PCDH15: variants seen among roughly 807,000 people sequenced by gnomAD.
PCDH15 encodes protocadherin related 15, also known as protocadherin-15.
PCDH15 carries 129 observed loss-of-function variants against 178.5 expected under a neutral mutation model. The ratio of observed to expected loss-of-function variants is 0.72; its 90% CI spans 0.63 to 0.84. The LOEUF is 0.84. Among genes scored for constraint, PCDH15 ranks in the 40% least tolerant of loss-of-function variants. The pLI is 0.00. For missense variants in PCDH15, 2,230 were observed against 2,099.9 expected, an observed-to-expected ratio of 1.06 and a Z score of -1.21; for synonymous variants, 800 against 732.0, an observed-to-expected ratio of 1.09 and a Z score of -1.50.
chr10:54,908,903 T>G (rs1954772050), intron 2 of PCDH15, among the ~76,000 whole-genome samples: 2 of 152,118 alleles, frequency 1.3e-5, no homozygotes. Flanking sequence ...TCCCGATGAA[T>G]GCTCAGCTCT....
In PCDH15 at chr10:55,085,629, C is replaced by T. The variant is rs189245823; in HGVS notation, c.-80+80947G>A. The stretch of plus-strand genomic sequence containing the variant: ...ATAAATATATACATCTACTACATAC[C>T]CATATAAATTAAACAAAAAAATTAT... On this transcript the variant is annotated intron_variant, in intron 2 of 5. Transcript: ENST00000458638. Among the ~76,000 whole-genome samples the T allele has an allele frequency of 2.8e-4, 42 of 151,396 alleles. No homozygotes were observed. In the East Asian group the frequency reaches 7.4e-3, roughly 27 times the overall value.
intron 2 of PCDH15, among the ~76,000 whole-genome samples, chr10:55,476,198 T>C (rs1018485263): frequency 6.6e-6 from 1 of 151,962 alleles, no homozygotes; most frequent in African/African-American, 2.4e-5. Context: ...GTGTGACTTA[T>C]GTTTCTAAGA....
chr10:55,502,741 T>C (rs957657214), intron 2 of PCDH15, among the ~76,000 whole-genome samples: 5 of 151,664 alleles, frequency 3.3e-5, no homozygotes, highest in African/African-American at 1.2e-4. Flanking sequence ...CTCAATTTTC[T>C]TATCCTTAAT....
intron 1 of PCDH15, among the ~76,000 whole-genome samples, chr10:55,167,855 A>G (rs1431345789): frequency 2.0e-5 from 3 of 152,204 alleles, no homozygotes; most frequent in Non-Finnish European, 4.4e-5. Context: ...TTATTTTACA[A>G]TGGTTCTAAG....
At chr10:54,305,264 A>T (rs2133349455) in intron 8 of PCDH15, among the ~76,000 whole-genome samples, 1 of 152,198 alleles carries the variant, frequency 6.6e-6, no homozygotes, top group South Asian at 2.1e-4. Flanking sequence ...ACATAAATTT[A>T]GTTTTGCTAA....
At chr10:54,025,380 G>A (rs1307901974) in intron 18 of PCDH15, among the ~76,000 whole-genome samples, 1 of 152,108 alleles carries the variant, frequency 6.6e-6, no homozygotes, top group Non-Finnish European at 1.5e-5. Flanking sequence ...GTTGTTGACA[G>A]AATTCAGTTG....
chr10:55,460,921 G>A (rs1180526408), intron 2 of PCDH15, among the ~76,000 whole-genome samples: 1 of 152,040 alleles, frequency 6.6e-6, no homozygotes, highest in Admixed American at 6.6e-5. Flanking sequence ...TGCTAGGTAG[G>A]ATCCATGCAG....
intron 13 of PCDH15, among the ~76,000 whole-genome samples, chr10:54,160,367 G>A (rs2045585070): frequency 1.3e-5 from 2 of 152,054 alleles, no homozygotes; most frequent in South Asian, 2.1e-4. Context: ...GAAGAATACT[G>A]TAAAAATAAA....
intron 2 of PCDH15, among the ~76,000 whole-genome samples, chr10:54,615,520 A>G (rs528095395): frequency 5.3e-5 from 8 of 152,124 alleles, no homozygotes; most frequent in Non-Finnish European, 8.8e-5. Context: ...TTTAAAAGCA[A>G]TATTAATCAA....
At chr10:54,523,649 T>C (rs2083101403) in intron 3 of PCDH15, among the ~76,000 whole-genome samples, 1 of 152,192 alleles carries the variant, frequency 6.6e-6, no homozygotes, top group African/African-American at 2.4e-5. Flanking sequence ...GGAAATATTT[T>C]AAGTCCAAAA....
chr10:54,056,447 C>T (rs2093889733), intron 18 of PCDH15, among the ~76,000 whole-genome samples: 1 of 152,150 alleles, frequency 6.6e-6, no homozygotes, highest in Admixed American at 6.5e-5. Context: ...GGAGCAAAGT[C>T]ACACCTTACA....
rs554962386 is a variant in PCDH15 at position 53,825,177 on chromosome 10, A to C, written c.4367+2216T>G. The C allele has an allele frequency of 2.0e-6, 3 of 1,521,424 alleles. No individual in the cohort carries two copies. In the East Asian group the frequency reaches 7.3e-5, roughly 37 times the overall value. 94.2% of individuals were successfully genotyped at this position (1,521,424 alleles called of 1,614,324 possible). A position where few individuals can be genotyped will look rare whatever the true frequency, so the allele number is the denominator to read the frequency against. On this transcript the variant is annotated intron_variant, in intron 32 of 37. Coordinates refer to ENST00000644397, the MANE Select transcript of PCDH15 (RefSeq NM_001384140.1). ...ACAGGTGAGAAACAGAAAACATGTG[A>C]TAGAAAAAAAGAAGTTTTTACTAGA...
chr10:54,273,876 G>A (rs1176432684), intron 8 of PCDH15, among the ~76,000 whole-genome samples: 3 of 152,170 alleles, frequency 2.0e-5, no homozygotes, highest in African/African-American at 7.2e-5. Context: ...CAAAGACATG[G>A]AATCAATCTA....
intron 1 of PCDH15, among the ~76,000 whole-genome samples, chr10:54,794,129 A>ATCT (rs1564468490): frequency 1.4e-5 from 2 of 146,342 alleles, no homozygotes; most frequent in African/African-American, 5.0e-5. Context: ...TATATAAGAT[A>ATCT]TATATATATC....
In PCDH15 at chr10:55,547,301, C is replaced by T. The variant is rs149588648; in HGVS notation, c.-156+80324G>A. On this transcript the variant is annotated intron_variant, in intron 2 of 5. Transcript: ENST00000613346. ...AAGTTCAGAGTGTGGTGAGAGCATA[C>T]GATAAACAATTATATGAGAAACATA... Among the ~76,000 whole-genome samples, 8 of 152,136 alleles carry T rather than the reference C, an allele frequency of 5.3e-5. No individual in the cohort carries two copies. The East Asian group carries it at 1.5e-3, about 29-fold the overall frequency.
At chr10:54,378,099 A>T (rs923725462) in intron 4 of PCDH15, among the ~76,000 whole-genome samples, 40 of 151,764 alleles carry the variant, frequency 2.6e-4, no homozygotes, top group African/African-American at 9.4e-4. Flanking sequence ...AGTTTTTCAA[A>T]TTTTTTGTCA....
At position 54,260,049 on chromosome 10, in the gene PCDH15, G is replaced by T. The variant is rs993287067; in HGVS notation, c.877-23118C>A. On this transcript the variant is annotated intron_variant, in intron 8 of 37. Transcript: ENST00000644397. ...GAAGATCATAGGAAAGATATAACCT[G>T]TCAACTTTGATTCATTTTGAGAAAT... is the stretch of plus-strand genomic sequence containing the variant. Among the ~76,000 whole-genome samples the T allele has an allele frequency of 3.3e-5, 5 of 152,114 alleles. 1 individual carries two copies. The South Asian group carries it at 1.0e-3, about 31-fold the overall frequency.
At chr10:54,608,958 G>A (rs1239569929) in intron 2 of PCDH15, among the ~76,000 whole-genome samples, 2 of 152,000 alleles carry the variant, frequency 1.3e-5, no homozygotes, top group Non-Finnish European at 2.9e-5. Context: ...CAATCTATAA[G>A]ATGTATGTGA....
In PCDH15 at chr10:55,394,025, G is replaced by T. The variant is rs1447499755; in HGVS notation, c.-155-227374C>A. On this transcript the variant is annotated intron_variant, in intron 2 of 5. Transcript: ENST00000613346. ...TATGCAGAATATTTGTGACCCCATT[G>T]TGTCATAGGGACCCTGTGAGGCATA... Among the ~76,000 whole-genome samples the T allele has an allele frequency of 9.2e-5, 14 of 151,770 alleles. No individual in the cohort carries two copies. In the East Asian group the frequency reaches 2.3e-3, roughly 25 times the overall value.
Sources: gnomAD v4.1 joint callset for allele counts (sites outside exome capture counted in the v4.1 genomes callset) on GRCh38, gnomAD v4.1.1 for gene constraint, MANE v1.5 for transcripts, NCBI Gene and HGNC (gene_info 2026-07-23, HGNC 2026-07-21) for gene names.